Variants in PRR16 observed in about 807,000 individuals in gnomAD.
The protein encoded by PRR16 is protein Largen.
PRR16 carries 6 observed loss-of-function variants against 18.2 expected under a neutral mutation model. That is an observed-to-expected ratio of 0.33 (90% CI 0.18 to 0.65). The LOEUF is 0.65. Ranked by LOEUF, PRR16 falls within the 30% of genes least tolerant of loss-of-function variation. PRR16 has a pLI of 0.74. For synonymous variants in PRR16, 151 were observed against 147.8 expected, an observed-to-expected ratio of 1.02 and a Z score of -0.16; for missense variants, 412 against 376.6, an observed-to-expected ratio of 1.09 and a Z score of -0.78.
the PRR16 span, among the ~76,000 whole-genome samples, chr5:120,733,620 A>C: frequency 6.6e-6 from 1 of 152,136 alleles, no homozygotes; most frequent in African/African-American, 2.4e-5. Flanking sequence ...AACGGCATTA[A>C]ACCTATGCCC....
At chr5:120,554,085 T>A (rs552251730) in intron 1 of PRR16, among the ~76,000 whole-genome samples, 6 of 151,988 alleles carry the variant, frequency 3.9e-5, no homozygotes, top group African/African-American at 7.2e-5. Flanking sequence ...ATACTGAAAT[T>A]TAGAATCAAA....
chr5:120,696,321 T>TA, the PRR16 span, among the ~76,000 whole-genome samples: 3,061 of 151,998 alleles, frequency 0.02, 114 homozygotes, highest in African/African-American at 0.069. Context: ...AAAATATATA[T>TA]AAAAAAATTA....
the PRR16 span, among the ~76,000 whole-genome samples, chr5:120,777,133 CAA>C: frequency 5.9e-5 from 9 of 151,872 alleles, no homozygotes; most frequent in African/African-American, 2.2e-4. Flanking sequence ...AACACCAGGG[CAA>C]AGAGACATTT....
chr5:120,788,429 T>C, the PRR16 span, among the ~76,000 whole-genome samples: 2 of 152,112 alleles, frequency 1.3e-5, no homozygotes, highest in African/African-American at 4.8e-5. Context: ...ACCCACACAT[T>C]TGTGGAAAGT....
At chr5:120,776,298 C>T in the PRR16 span, among the ~76,000 whole-genome samples, 1 of 152,124 alleles carries the variant, frequency 6.6e-6, no homozygotes, top group Non-Finnish European at 1.5e-5. Context: ...TATATTTCTG[C>T]TCAAAAATCA....
chr5:120,723,748 T>C, the PRR16 span, among the ~76,000 whole-genome samples: 6 of 151,986 alleles, frequency 3.9e-5, no homozygotes. Flanking sequence ...CATGTACTTC[T>C]TGTTCATTTA....
chr5:120,704,609 A>G, the PRR16 span, among the ~76,000 whole-genome samples: 3 of 152,192 alleles, frequency 2.0e-5, no homozygotes, highest in Admixed American at 2.0e-4. Context: ...AATATGAATC[A>G]TAATCCTCCC....
the PRR16 span, among the ~76,000 whole-genome samples, chr5:120,704,464 T>A: frequency 1.3e-5 from 2 of 152,210 alleles, no homozygotes; most frequent in Non-Finnish European, 2.9e-5. Flanking sequence ...ATTTTCCAGA[T>A]GGAGAGATGA....
At chr5:120,616,819 T>C (rs769141906) in intron 1 of PRR16, among the ~76,000 whole-genome samples, 2 of 152,178 alleles carry the variant, frequency 1.3e-5, no homozygotes, top group Non-Finnish European at 2.9e-5. Flanking sequence ...ACTCAGTAAA[T>C]GTTCTTGAAG....
chr5:120,644,611 CT>C (rs1755531420), intron 1 of PRR16, among the ~76,000 whole-genome samples: 1 of 152,078 alleles, frequency 6.6e-6, no homozygotes, highest in Admixed American at 6.6e-5. Flanking sequence ...TCAATCTTGC[CT>C]TTTGGGTCAA....
At chr5:120,501,170 T>C (rs1240658110) in intron 1 of PRR16, among the ~76,000 whole-genome samples, 1 of 152,174 alleles carries the variant, frequency 6.6e-6, no homozygotes, top group African/African-American at 2.4e-5. Flanking sequence ...CTTAGAAAAA[T>C]GCGTAGCATT....
intron 1 of PRR16, among the ~76,000 whole-genome samples, chr5:120,483,899 C>G (rs544768208): frequency 6.6e-6 from 1 of 152,160 alleles, no homozygotes; most frequent in Non-Finnish European, 1.5e-5. Flanking sequence ...CTCAAACAAA[C>G]TTACTTTATT....
chr5:120,464,678 C>T, intron 1 of PRR16, 33 bp downstream of exon 1: 1 of 1,518,264 alleles, frequency 6.6e-7, no homozygotes, highest in Non-Finnish European at 8.8e-7. Flanking sequence ...GGGAGTTCGG[C>T]ACCCTTCGAC....
At chr5:120,609,216 A>G (rs577670870) in intron 1 of PRR16, among the ~76,000 whole-genome samples, 3 of 152,178 alleles carry the variant, frequency 2.0e-5, no homozygotes, top group South Asian at 2.1e-4. Flanking sequence ...ATATAAGTAA[A>G]ATTTGACATT....
At chr5:120,777,843 T>A in the PRR16 span, among the ~76,000 whole-genome samples, 4 of 152,142 alleles carry the variant, frequency 2.6e-5, no homozygotes, top group Non-Finnish European at 5.9e-5. Flanking sequence ...ACGTGCTATA[T>A]GTTTGCATAT....
the PRR16 span, among the ~76,000 whole-genome samples, chr5:120,733,379 G>A: frequency 6.6e-6 from 1 of 151,938 alleles, no homozygotes; most frequent in Non-Finnish European, 1.5e-5. Context: ...TGAACTCCTG[G>A]CCTCAAGAAA....
intron 1 of PRR16, among the ~76,000 whole-genome samples, chr5:120,588,499 C>T (rs1436706808): frequency 6.6e-6 from 1 of 152,184 alleles, no homozygotes; most frequent in Admixed American, 6.5e-5. Context: ...GAGCTTCTAC[C>T]ATTAGAAGGA....
At chr5:120,581,054 G>A (rs994044494) in intron 1 of PRR16, among the ~76,000 whole-genome samples, 1 of 152,126 alleles carries the variant, frequency 6.6e-6, no homozygotes, top group Non-Finnish European at 1.5e-5. Context: ...TTAGAGAGGA[G>A]TCCCTCCTTT....
At chr5:120,678,416 G>T (rs1474977810) in intron 1 of PRR16, among the ~76,000 whole-genome samples, 4 of 152,198 alleles carry the variant, frequency 2.6e-5, no homozygotes, top group African/African-American at 9.6e-5. Flanking sequence ...TTTTTCCATA[G>T]TATCTACATT....
Sources: allele counts gnomAD v4.1 joint callset (sites outside exome capture counted in the v4.1 genomes callset), GRCh38; gene constraint gnomAD v4.1.1; transcripts MANE v1.5; gene names NCBI Gene and HGNC (gene_info 2026-07-23, HGNC 2026-07-21).